SHPRH: variants seen among roughly 807,000 people sequenced by gnomAD.
The protein encoded by SHPRH is SNF2 histone linker PHD RING helicase, also known as E3 ubiquitin-protein ligase SHPRH.
Under a neutral mutation model 202.5 loss-of-function variants are expected in SHPRH, and 106 were observed. That is an observed-to-expected ratio of 0.52 (90% CI 0.45 to 0.62). The LOEUF (loss-of-function observed/expected upper bound fraction) is 0.62, where lower values mean the gene tolerates loss of function less well. Ranked by LOEUF, SHPRH falls within the 20% of genes least tolerant of loss-of-function variation. The pLI is 0.00. For missense variants in SHPRH, 1,710 were observed against 2,020.0 expected, an observed-to-expected ratio of 0.85 and a Z score of 2.94; for synonymous variants, 729 against 686.0, an observed-to-expected ratio of 1.06 and a Z score of -0.98.
In SHPRH at chr6:145,922,583, T is replaced by C. The variant is rs187740419; in HGVS notation, c.3719+80A>G. ...TTAAAATGAAAAAACCTTTACTATA[T>C]GAGTCAATTGTTTCTTCTCTAAGAA... is the stretch of plus-strand genomic sequence containing the variant. On this transcript the variant is annotated intron_variant, in intron 19 of 29. Coordinates refer to ENST00000275233, the MANE Select transcript of SHPRH (RefSeq NM_001042683.3). 1.8e-4 allele frequency: 261 copies of C among 1,478,422 alleles called. 1 individual carries two copies. In the African/African-American group the frequency reaches 3.1e-3, roughly 18 times the overall value. 91.6% of individuals were successfully genotyped at this position (1,478,422 alleles called of 1,614,324 possible).
chr6:145,960,930 G>A (rs1215965395), intron 1 of SHPRH, among the ~76,000 whole-genome samples: 1 of 152,062 alleles, frequency 6.6e-6, no homozygotes. Context: ...AGATCATCAG[G>A]CATTAGGTTT....
rs371910533 is a variant in SHPRH at position 145,901,747 on chromosome 6, C to T, written c.4516-6770G>A. ...TGATAAAGTTGTACTTAACTATAAG[C>T]ACCTCTGTCCTCTTCTGACATTACT... On this transcript the variant is annotated intron_variant, in intron 25 of 29. Transcript: ENST00000275233. 1.2e-3 allele frequency among the ~76,000 whole-genome samples: 180 copies of T among 152,226 alleles called. 3 individuals are homozygous for T. In the South Asian group the frequency reaches 0.022, roughly 18 times the overall value.
chr6:145,923,259 T>C (rs1784581436), intron 18 of SHPRH, among the ~76,000 whole-genome samples: 1 of 151,630 alleles, frequency 6.6e-6, no homozygotes, highest in Non-Finnish European at 1.5e-5. Flanking sequence ...AAGAGTTATA[T>C]TCCTTGGTTG....
At chr6:145,930,732 T>C (rs1785351434) in intron 14 of SHPRH, among the ~76,000 whole-genome samples, 1 of 152,228 alleles carries the variant, frequency 6.6e-6, no homozygotes, top group South Asian at 2.1e-4. Flanking sequence ...TTAGGTCAAC[T>C]GGTTGACAGC....
At chr6:145,922,968 C>G in intron 18 of SHPRH, 132 bp from the exon 19 acceptor site, 2 of 1,033,284 alleles carry the variant, frequency 1.9e-6, no homozygotes, top group Non-Finnish European at 2.6e-6. Flanking sequence ...TTAACAGCAA[C>G]ATTTGAGTGA....
At position 145,911,121 on chromosome 6, in the gene SHPRH, G is replaced by T. The variant is rs1003161999; in HGVS notation, c.4327-485C>A. Among the ~76,000 whole-genome samples the T allele has an allele frequency of 4.6e-5, 7 of 152,050 alleles. No individual in the cohort carries two copies. The South Asian group carries it at 1.2e-3, about 27-fold the overall frequency. On this transcript the variant is annotated intron_variant, in intron 24 of 29. Coordinates refer to ENST00000275233, the MANE Select transcript of SHPRH (RefSeq NM_001042683.3). Reference sequence around the variant, plus strand: ...TTATTTAAAAAATTACAAACAAAAAGAAATTATTATTATTACTATTATTTT... The same window carrying T: ...TTATTTAAAAAATTACAAACAAAAATAAATTATTATTATTACTATTATTTT...
chr6:145,947,042 T>C (rs567129146), intron 6 of SHPRH, among the ~76,000 whole-genome samples: 15 of 152,226 alleles, frequency 9.9e-5, no homozygotes, highest in Admixed American at 8.5e-4. Context: ...ACTTGAAGTT[T>C]GTTTCATTTA....
intron 1 of SHPRH, among the ~76,000 whole-genome samples, chr6:145,961,307 C>T (rs1789067192): frequency 6.6e-6 from 1 of 152,120 alleles, no homozygotes. Context: ...GGAGAAGGGC[C>T]CAGGCACTAC....
Position 145,886,685 on chromosome 6 carries a change from T to A in SHPRH, c.*6A>T, listed in dbSNP as rs1207306362. On this transcript the variant is annotated 3_prime_UTR_variant, in exon 30 of 30. Coordinates refer to ENST00000275233, the MANE Select transcript of SHPRH (RefSeq NM_001042683.3). ...ACTAAAGTCCATGGAATGAATCAAG[T>A]GTAGTTCATTCAAGCTCTTCAGTTT... is the stretch of plus-strand genomic sequence containing the variant. 1.9e-6 allele frequency: 3 copies of A among 1,612,790 alleles called. No homozygotes were observed. In the East Asian group the frequency reaches 6.7e-5, roughly 36 times the overall value.
chr6:145,956,444 C>G (rs1009654290), intron 1 of SHPRH, among the ~76,000 whole-genome samples: 6 of 151,974 alleles, frequency 3.9e-5, no homozygotes, highest in Non-Finnish European at 7.4e-5. Flanking sequence ...CTGCTCCCAC[C>G]CCACAGCTCT....
In SHPRH at chr6:145,910,452, A is replaced by C; in HGVS notation, c.4511T>G (p.Val1504Gly). ...TGTGTTCCTGACCTACTTTACCTTC[A>C]CAGGGATGTCCTCCTCCTGGTTTGC... ...EKANQEEDIP[V>G]KGSHSTKVEA... is the part of the protein sequence containing the mutation. The change falls in exon 25 of 30, where the codon GTG becomes GGG. Residue 1504 changes from valine (V) to glycine (G), a missense_variant. Transcript: ENST00000275233. 2.5e-6 allele frequency: 4 copies of C among 1,612,700 alleles called. No individual in the cohort carries two copies. The highest frequency in any genetic ancestry group is 3.4e-6 in the Non-Finnish European group (4 of 1,179,284).
In SHPRH at chr6:145,886,231, A is replaced by C; in HGVS notation, c.*460T>G. ...AATGGGTTAATATAATTCACCATCT[A>C]CTTAAAATATTACTAACAAGATATT... is the stretch of plus-strand genomic sequence containing the variant. On this transcript the variant is annotated 3_prime_UTR_variant, in exon 30 of 30. Coordinates refer to ENST00000275233, the MANE Select transcript of SHPRH (RefSeq NM_001042683.3). 1 of 449,430 alleles carries C rather than the reference A, an allele frequency of 2.2e-6. No individual in the cohort carries two copies. The highest frequency in any genetic ancestry group is 4.2e-6 in the Non-Finnish European group (1 of 239,588). 27.8% of individuals were successfully genotyped at this position (449,430 alleles called of 1,614,324 possible).
chr6:145,962,565 A>G (rs551180041), intron 1 of SHPRH, among the ~76,000 whole-genome samples: 1 of 152,324 alleles, frequency 6.6e-6, no homozygotes, highest in South Asian at 2.1e-4. Context: ...AATAAACATA[A>G]AATGTTACAT....
chr6:145,894,345 TAAAACC>T lies in SHPRH; in HGVS notation c.4609-115_4609-110del, dbSNP rs1020342886. ...GACTTTTATACTGGAGTTAAGAAAA[TAAAACC>T]AAAACCAAAACCCTCAAATGTAGTA... On this transcript the variant is annotated intron_variant, in intron 26 of 29. Transcript: ENST00000275233. 13 of 725,456 alleles carry T rather than the reference TAAAACC, an allele frequency of 1.8e-5. No individual in the cohort carries two copies. The South Asian group carries it at 3.3e-4, about 18-fold the overall frequency. The allele number at this position is 725,456 out of a possible 1,614,324, so 44.9% of individuals were successfully genotyped here.
chr6:145,952,235 T>C lies in SHPRH; in HGVS notation c.763+114A>G, dbSNP rs749181274. 503 of 972,116 alleles carry C rather than the reference T, an allele frequency of 5.2e-4. 4 individuals are homozygous for C. The highest frequency in any genetic ancestry group is 1.5e-4 in the Non-Finnish European group (103 of 687,528). 60.2% of individuals were successfully genotyped at this position (972,116 alleles called of 1,614,324 possible). A position where few individuals can be genotyped will look rare whatever the true frequency, so the allele number is the denominator to read the frequency against. ...AAGTATAATTTGCCATATAATCATT[T>C]AATTTTTATTATGGCTTTATTAGCT... On this transcript the variant is annotated intron_variant, in intron 3 of 29. Transcript: ENST00000275233.
chr6:145,908,845 A>T (rs748952442), intron 25 of SHPRH: 2 of 152,060 alleles, frequency 1.3e-5, no homozygotes, highest in Admixed American at 6.6e-5. Flanking sequence ...CCTGAATGGT[A>T]CTGCCTAGGT....
At chr6:145,877,261 A>AT (rs1030949667) in intron 2 of SHPRH, among the ~76,000 whole-genome samples, 6 of 152,172 alleles carry the variant, frequency 3.9e-5, no homozygotes, top group Non-Finnish European at 8.8e-5. Flanking sequence ...CAGCTGTACC[A>AT]TTTTACATTC....
rs554575009 is a variant in SHPRH, at chr6:145,868,618, TAAAG to T, written c.222-4131_222-4128del. On this transcript the variant is annotated intron_variant, in intron 2 of 2. Coordinates refer to the SHPRH transcript ENST00000417762. ...ACACAGGAAGACAGTCAATGAAAAT[TAAAG>T]AATCAAGAGAAGATAATCTAGCTTT... Among the ~76,000 whole-genome samples, 33 of 152,310 alleles carry T rather than the reference TAAAG, an allele frequency of 2.2e-4. No homozygotes were observed. In the South Asian group the frequency reaches 6.6e-3, roughly 31 times the overall value.
chr6:145,937,055 C>T (rs1197727869), intron 11 of SHPRH, among the ~76,000 whole-genome samples: 2 of 149,998 alleles, frequency 1.3e-5, no homozygotes, highest in Non-Finnish European at 3.0e-5. Context: ...GCAATCTCAG[C>T]TCACTGCAAC....
Sources: gnomAD v4.1 joint callset for allele counts (sites outside exome capture counted in the v4.1 genomes callset) on GRCh38, gnomAD v4.1.1 for gene constraint, MANE v1.5 for transcripts, NCBI Gene and HGNC (gene_info 2026-07-23, HGNC 2026-07-21) for gene names.